RAB33A: variants seen among roughly 807,000 people sequenced by gnomAD.
RAB33A encodes the protein RAB33A, member RAS oncogene family.
In RAB33A, 6 loss-of-function variants were observed where a neutral mutation model predicts 12.0. The ratio of observed to expected loss-of-function variants is 0.50; its 90% confidence interval spans 0.27 to 0.99. RAB33A has a LOEUF of 0.99. Among genes scored for constraint, RAB33A ranks in the 50% least tolerant of loss-of-function variants. The pLI is 0.11. For synonymous variants in RAB33A, 70 were observed against 82.4 expected (o/e 0.85, Z 0.81); for missense variants, 109 against 192.0 (o/e 0.57, Z 2.55).
At chrX:130,156,989 A>G in the RAB33A span, among the ~76,000 whole-genome samples, 2 of 112,086 alleles carry the variant, frequency 1.8e-5, no homozygotes, top group Non-Finnish European at 3.8e-5. Flanking sequence ...CATTATAACA[A>G]CCATTTAAGG....
At chrX:130,141,153 CAACAAAAACA>C in the RAB33A span, among the ~76,000 whole-genome samples, 1 of 111,879 alleles carries the variant, frequency 8.9e-6, no homozygotes, top group Non-Finnish European at 1.9e-5. Context: ...AAAACCACAA[CAACAAAAACA>C]AACAAAAACA....
chrX:130,160,759 C>T, the RAB33A span, among the ~76,000 whole-genome samples: 1 of 110,438 alleles, frequency 9.1e-6, no homozygotes, highest in African/African-American at 3.3e-5. Flanking sequence ...AAATTTTAGC[C>T]AGGGCAGGCG....
At chrX:130,133,184 TA>T in the RAB33A span, 36 of 861,517 alleles carry the variant, frequency 4.2e-5, no homozygotes, top group African/African-American at 6.2e-4. Context: ...TGTGTGGACA[TA>T]AGATGGACTT....
At position 130,172,407 on chromosome X, in the gene RAB33A, C is replaced by A. The variant is rs186193109; in HGVS notation, c.258+87C>A. ...AGCTCTAGCGGTTGTCGTCGTCCAGCGTCCAGCGCGTGGCGGTTTCGCCTC... is the reference window on the plus strand; with the variant it reads ...AGCTCTAGCGGTTGTCGTCGTCCAGAGTCCAGCGCGTGGCGGTTTCGCCTC... On this transcript the variant is annotated intron_variant, in intron 1 of 1. Coordinates refer to ENST00000257017, the MANE Select transcript of RAB33A (RefSeq NM_004794.3). 1.8e-5 allele frequency: 19 copies of A among 1,085,459 alleles called. No homozygotes were observed. The Admixed American group carries it at 2.2e-4, about 12-fold the overall frequency. 89.5% of individuals were successfully genotyped at this position (1,085,459 alleles called of 1,213,427 possible). A position where few individuals can be genotyped will look rare whatever the true frequency, so the allele number is the denominator to read the frequency against.
upstream of RAB33A, among the ~76,000 whole-genome samples, chrX:130,171,088 C>A (rs1237072091): frequency 8.8e-6 from 1 of 113,042 alleles, no homozygotes; most frequent in African/African-American, 3.2e-5. Context: ...GGGATGTTGG[C>A]GCCTGGTACG....
the RAB33A span, chrX:130,140,596 C>G: frequency 8.3e-7 from 1 of 1,208,278 alleles, no homozygotes; most frequent in Non-Finnish European, 1.1e-6. Context: ...ACCATGTTGT[C>G]TCTCACATCC....
At chrX:130,180,415 A>C (rs2031711063) in intron 1 of RAB33A, among the ~76,000 whole-genome samples, 1 of 112,269 alleles carries the variant, frequency 8.9e-6, no homozygotes, top group Non-Finnish European at 1.9e-5. Context: ...CTGGGATTAC[A>C]GGAGTGAGCC....
the RAB33A span, chrX:130,133,604 A>G: frequency 2.6e-6 from 2 of 760,056 alleles, no homozygotes; most frequent in Admixed American, 3.0e-5. Context: ...ACTTAAACTA[A>G]CAAAAACAGC....
chrX:130,129,509 ACCT>A, the RAB33A span: 12 of 1,104,502 alleles, frequency 1.1e-5, no homozygotes, highest in South Asian at 2.2e-4. Context: ...TACCCATTCG[ACCT>A]CCTCTCAGGG....
chrX:130,180,678 G>A (rs1022498406), intron 1 of RAB33A, among the ~76,000 whole-genome samples: 6 of 103,596 alleles, frequency 5.8e-5, no homozygotes, highest in Non-Finnish European at 1.2e-4. Flanking sequence ...GTATGGTCTC[G>A]ATCTCCTGAT....
chrX:130,117,529 G>A, the RAB33A span, among the ~76,000 whole-genome samples: 393 of 111,695 alleles, frequency 3.5e-3, no homozygotes, highest in African/African-American at 0.012. Flanking sequence ...AAATTTGGAG[G>A]GTGTGGGAGA....
At chrX:130,119,638 G>A in the RAB33A span, among the ~76,000 whole-genome samples, 11 of 111,975 alleles carry the variant, frequency 9.8e-5, no homozygotes, top group East Asian at 2.3e-3. Flanking sequence ...GCTGGGCACC[G>A]CCCTGTAGGA....
At chrX:130,151,824 T>C in the RAB33A span, among the ~76,000 whole-genome samples, 2 of 111,344 alleles carry the variant, frequency 1.8e-5, no homozygotes, top group Non-Finnish European at 3.8e-5. Context: ...GGAGATCACT[T>C]GAGGCCAGGA....
At chrX:130,156,637 C>A in the RAB33A span, 1 of 1,193,393 alleles carries the variant, frequency 8.4e-7, no homozygotes. Context: ...CACACACATA[C>A]AAAAATAAAA....
the RAB33A span, among the ~76,000 whole-genome samples, chrX:130,118,180 G>A: frequency 8.9e-6 from 1 of 112,607 alleles, no homozygotes; most frequent in Non-Finnish European, 1.9e-5. Context: ...GCCAGATTCA[G>A]GAGAGTTGGG....
chrX:130,156,673 T>C, the RAB33A span: 3 of 1,099,295 alleles, frequency 2.7e-6, no homozygotes, highest in Admixed American at 4.4e-5. Flanking sequence ...TATGATTAAA[T>C]GTCAATGCAC....
chrX:130,120,700 G>C, the RAB33A span, among the ~76,000 whole-genome samples: 7 of 112,253 alleles, frequency 6.2e-5, no homozygotes, highest in Non-Finnish European at 1.1e-4. Flanking sequence ...TCCCGCCAGT[G>C]GGGTGGGAGC....
the RAB33A span, chrX:130,165,942 C>G: frequency 5.3e-6 from 2 of 378,770 alleles, no homozygotes; most frequent in African/African-American, 2.5e-5. Context: ...GCCGCAAGCT[C>G]GCAAAGACGC....
At chrX:130,155,893 C>T in the RAB33A span, among the ~76,000 whole-genome samples, 2 of 112,110 alleles carry the variant, frequency 1.8e-5, no homozygotes, top group Non-Finnish European at 3.8e-5. Context: ...TACTACATAG[C>T]AATTAAACAC....
Sources: allele counts gnomAD v4.1 joint callset (sites outside exome capture counted in the v4.1 genomes callset), GRCh38; gene constraint gnomAD v4.1.1; transcripts MANE v1.5; gene names NCBI Gene and HGNC (gene_info 2026-07-23, HGNC 2026-07-21).